The following RBFOX1 variants were observed in gnomAD, a reference collection of about 807,000 sequenced individuals.
RBFOX1 encodes the protein RNA binding fox-1 homolog 1.
In RBFOX1, 8 loss-of-function variants were observed where a neutral mutation model predicts 57.7. The observed-to-expected ratio is 0.14, with a 90% CI of 0.08 to 0.25. RBFOX1 has a LOEUF of 0.25. Among genes scored for constraint, RBFOX1 ranks in the 10% least tolerant of loss-of-function variants. The probability of loss-of-function intolerance (pLI) is 1.00; values close to 1 mark genes in which losing one functional copy is unlikely to be tolerated. For missense variants in RBFOX1, 611 were observed against 548.5 expected, an observed-to-expected ratio of 1.11 and a Z score of -1.14; for synonymous variants, 326 against 222.4, an observed-to-expected ratio of 1.47 and a Z score of -4.15.
chr16:6,588,890 T>C (rs1379746583), intron 2 of RBFOX1, among the ~76,000 whole-genome samples: 1 of 152,182 alleles, frequency 6.6e-6, no homozygotes, highest in Non-Finnish European at 1.5e-5. Context: ...CCATGATGTG[T>C]GGCAGTAAAG....
chr16:6,009,414 A>G (rs961643541), intron 4 of RBFOX1, among the ~76,000 whole-genome samples: 3 of 152,062 alleles, frequency 2.0e-5, no homozygotes, highest in African/African-American at 7.2e-5. Context: ...TCTGATGCCT[A>G]ATTTGTTTAT....
intron 3 of RBFOX1, among the ~76,000 whole-genome samples, chr16:5,683,914 A>G (rs1261450918): frequency 6.6e-6 from 1 of 151,930 alleles, no homozygotes; most frequent in Non-Finnish European, 1.5e-5. Context: ...CGTCAGCCCA[A>G]TATGAGCTTG....
chr16:6,906,801 C>T (rs991183729), intron 3 of RBFOX1, among the ~76,000 whole-genome samples: 2 of 151,168 alleles, frequency 1.3e-5, no homozygotes, highest in African/African-American at 4.9e-5. Context: ...CAGCTCACTG[C>T]AACCTCTACC....
rs374694466 is a variant in RBFOX1 at position 6,612,387 on chromosome 16, TA to T, written c.-63-42211del. On this transcript the variant is annotated intron_variant, in intron 2 of 15. Coordinates refer to ENST00000550418, the MANE Select transcript of RBFOX1 (RefSeq NM_018723.4). ...TGCCACTGCTTTTAAAAGTAGTAAA[TA>T]AAAACACATATCATGTATGCATATG... 5.9e-3 allele frequency among the ~76,000 whole-genome samples: 899 copies of T among 152,292 alleles called. 13 individuals are homozygous for T. The highest frequency in any genetic ancestry group is 0.02 in the African/African-American group (835 of 41,564).
intron 2 of RBFOX1, among the ~76,000 whole-genome samples, chr16:6,402,359 C>T (rs556008691): frequency 2.6e-5 from 4 of 152,208 alleles, no homozygotes; most frequent in South Asian, 2.1e-4. Flanking sequence ...AGAAAATAAA[C>T]GTGGATATTT....
In RBFOX1 at chr16:5,437,456, A is replaced by C. The variant is rs2067951250; in HGVS notation, c.220-29760A>C. Among the ~76,000 whole-genome samples the C allele has an allele frequency of 2.0e-5, 3 of 152,232 alleles. No homozygotes were observed. The South Asian group carries it at 6.2e-4, about 32-fold the overall frequency. Reference sequence around the variant, plus strand: ...TCATCCTAAGTATCGTAAAAACATGAAGAACAAAAGTGTACTGAGTGCTGT... The same window carrying C: ...TCATCCTAAGTATCGTAAAAACATGCAGAACAAAAGTGTACTGAGTGCTGT... On this transcript the variant is annotated intron_variant, in intron 1 of 2. Transcript: ENST00000585867.
chr16:6,817,362 C>G (rs1338991943), intron 3 of RBFOX1, among the ~76,000 whole-genome samples: 1 of 152,010 alleles, frequency 6.6e-6, no homozygotes, highest in Non-Finnish European at 1.5e-5. Context: ...GTGTGTCACC[C>G]TTCTTTAGTG....
intron 3 of RBFOX1, among the ~76,000 whole-genome samples, chr16:7,041,333 A>T (rs1309551044): frequency 6.6e-6 from 1 of 152,116 alleles, no homozygotes; most frequent in East Asian, 1.9e-4. Context: ...TAGCTGCAAC[A>T]AAGACAAGAG....
intron 2 of RBFOX1, among the ~76,000 whole-genome samples, chr16:6,556,092 C>G (rs151110957): frequency 6.6e-6 from 1 of 152,102 alleles, no homozygotes; most frequent in Non-Finnish European, 1.5e-5. Context: ...TAATTTAAAT[C>G]TTCTATTCCT....
intron 2 of RBFOX1, among the ~76,000 whole-genome samples, chr16:6,442,498 A>G (rs1338804365): frequency 6.6e-6 from 1 of 152,058 alleles, no homozygotes; most frequent in Non-Finnish European, 1.5e-5. Flanking sequence ...CGGAGGTTGC[A>G]GTGAGCTGAG....
chr16:6,489,042 A>G (rs752124502), intron 2 of RBFOX1, among the ~76,000 whole-genome samples: 6 of 152,234 alleles, frequency 3.9e-5, no homozygotes, highest in Non-Finnish European at 7.3e-5. Context: ...TAAAATTGTT[A>G]CAGCTGCTTC....
chr16:7,569,484 T>C (rs1222648658), intron 5 of RBFOX1, among the ~76,000 whole-genome samples: 1 of 152,178 alleles, frequency 6.6e-6, no homozygotes, highest in Non-Finnish European at 1.5e-5. Context: ...TCCATGCCAC[T>C]GGCCTCTGTT....
At chr16:6,834,503 G>GATGAATGAATGA (rs34043490) in intron 3 of RBFOX1, among the ~76,000 whole-genome samples, 3 of 150,358 alleles carry the variant, frequency 2.0e-5, no homozygotes, top group South Asian at 2.1e-4. Flanking sequence ...ACTGTTTATT[G>GATGAATGAATGA]ATGAATGAAT....
At chr16:5,276,522 C>T (rs2063144126) in intron 1 of RBFOX1, among the ~76,000 whole-genome samples, 2 of 152,152 alleles carry the variant, frequency 1.3e-5, no homozygotes, top group African/African-American at 2.4e-5. Context: ...CCGTGGCTGA[C>T]GCGTGTAATC....
chr16:7,132,864 C>T (rs925392444), intron 4 of RBFOX1, among the ~76,000 whole-genome samples: 3 of 152,098 alleles, frequency 2.0e-5, no homozygotes, highest in African/African-American at 7.2e-5. Flanking sequence ...GAGAATGCTG[C>T]CACGTGGTGA....
intron 1 of RBFOX1, chr16:5,270,607 A>C: frequency 3.4e-6 from 2 of 584,094 alleles, no homozygotes; most frequent in South Asian, 1.6e-5. Context: ...TTACCAAAAA[A>C]CGCAACAATC....
intron 2 of RBFOX1, among the ~76,000 whole-genome samples, chr16:5,536,615 T>C (rs982331651): frequency 2.0e-5 from 3 of 152,038 alleles, no homozygotes; most frequent in African/African-American, 4.8e-5. Context: ...GGGTTTGTTA[T>C]GGGTGATGTC....
intron 2 of RBFOX1, among the ~76,000 whole-genome samples, chr16:5,473,355 T>A (rs1156443537): frequency 6.6e-6 from 1 of 152,346 alleles, no homozygotes; most frequent in East Asian, 1.9e-4. Flanking sequence ...GATGTCTCAT[T>A]GCTTATCATC....
chr16:6,994,374 G>C (rs2091954930), intron 3 of RBFOX1, among the ~76,000 whole-genome samples: 1 of 152,194 alleles, frequency 6.6e-6, no homozygotes, highest in Non-Finnish European at 1.5e-5. Flanking sequence ...AACAAACACA[G>C]AGTTGAGCTG....
Sources: allele counts gnomAD v4.1 joint callset (sites outside exome capture counted in the v4.1 genomes callset), GRCh38; gene constraint gnomAD v4.1.1; transcripts MANE v1.5; gene names NCBI Gene and HGNC (gene_info 2026-07-23, HGNC 2026-07-21).